BICC1: variants seen among roughly 807,000 people sequenced by gnomAD.
BICC1 encodes BicC family RNA binding protein 1.
BICC1 carries 43 observed loss-of-function variants against 111.0 expected under a neutral mutation model. The observed-to-expected ratio is 0.39, with a 90% CI of 0.30 to 0.50. BICC1 has a LOEUF of 0.50. Among genes scored for constraint, BICC1 ranks in the 20% least tolerant of loss-of-function variants. The probability of loss-of-function intolerance (pLI) is 0.88; values close to 1 mark genes in which losing one functional copy is unlikely to be tolerated. For missense variants in BICC1, 1,091 were observed against 1,203.2 expected (o/e 0.91, Z 1.38); for synonymous variants, 467 against 434.4 (o/e 1.07, Z -0.93).
At chr10:58,712,180 A>G (rs1339001769) in intron 3 of BICC1, among the ~76,000 whole-genome samples, 1 of 152,176 alleles carries the variant, frequency 6.6e-6, no homozygotes, top group Admixed American at 6.5e-5. Flanking sequence ...AATGGTTGAA[A>G]TCCCAAACAC....
chr10:58,802,932 C>T, intron 14 of BICC1, 145 bp from the exon 15 acceptor site: 1 of 744,282 alleles, frequency 1.3e-6, no homozygotes. Flanking sequence ...GTACCTGTGT[C>T]ATAGCATTGT....
intron 1 of BICC1, among the ~76,000 whole-genome samples, chr10:58,549,281 T>C (rs1843227142): frequency 6.6e-6 from 1 of 152,290 alleles, no homozygotes; most frequent in South Asian, 2.1e-4. Context: ...CATGCAGGTG[T>C]TTATGTTGAC....
At chr10:58,787,383 G>A (rs1438481165) in intron 5 of BICC1, among the ~76,000 whole-genome samples, 1 of 152,112 alleles carries the variant, frequency 6.6e-6, no homozygotes, top group African/African-American at 2.4e-5. Context: ...TTAGGACCTG[G>A]AAGCTTGCCT....
Position 58,785,975 on chromosome 10 carries a change from A to G in BICC1, c.387+895A>G, listed in dbSNP as rs375918231. Reference sequence around the variant, plus strand: ...ATTACTCCCCTGATAATTATTAAATAGTTTAGAATTTTCTTCAGGAAAGGG... The same window carrying G: ...ATTACTCCCCTGATAATTATTAAATGGTTTAGAATTTTCTTCAGGAAAGGG... On this transcript the variant is annotated intron_variant, in intron 4 of 20. Coordinates refer to ENST00000373886, the MANE Select transcript of BICC1 (RefSeq NM_001080512.3). Among the ~76,000 whole-genome samples, 4 of 152,172 alleles carry G rather than the reference A, an allele frequency of 2.6e-5. No homozygotes were observed. In the East Asian group the frequency reaches 7.7e-4, roughly 29 times the overall value.
intron 2 of BICC1, among the ~76,000 whole-genome samples, chr10:58,623,609 A>G (rs1175148615): frequency 6.6e-6 from 1 of 152,224 alleles, no homozygotes; most frequent in Non-Finnish European, 1.5e-5. Flanking sequence ...AGAGTCTTCC[A>G]GCTGGGTTGG....
chr10:58,759,772 A>G (rs1006676482), intron 3 of BICC1, among the ~76,000 whole-genome samples: 1 of 152,092 alleles, frequency 6.6e-6, no homozygotes, highest in East Asian at 1.9e-4. Context: ...ATCCTGGCTA[A>G]CACGGTGAAA....
intron 1 of BICC1, among the ~76,000 whole-genome samples, chr10:58,567,540 A>C (rs1843807668): frequency 6.6e-6 from 1 of 151,388 alleles, no homozygotes; most frequent in African/African-American, 2.4e-5. Flanking sequence ...ATATATATAT[A>C]TCTCTTTTAG....
At chr10:58,783,368 C>CCCTT (rs1310659253) in intron 3 of BICC1, among the ~76,000 whole-genome samples, 8 of 152,072 alleles carry the variant, frequency 5.3e-5, no homozygotes, top group Non-Finnish European at 1.2e-4. Context: ...ATCGTTTCCT[C>CCCTT]CCTTCTTTCC....
chr10:58,618,906 A>G (rs1216631078), intron 1 of BICC1, among the ~76,000 whole-genome samples: 1 of 152,090 alleles, frequency 6.6e-6, no homozygotes, highest in African/African-American at 2.4e-5. Flanking sequence ...AATTTCTTTG[A>G]CTTTTCCAGC....
At chr10:58,814,122 C>T in intron 18 of BICC1, 136 bp downstream of exon 18, 3 of 1,016,400 alleles carry the variant, frequency 3.0e-6, no homozygotes. Flanking sequence ...CTCTGTGAAG[C>T]CTCCTTGTTT....
At chr10:58,689,043 C>CA (rs1554822008) in intron 2 of BICC1, among the ~76,000 whole-genome samples, 1 of 151,982 alleles carries the variant, frequency 6.6e-6, no homozygotes. Context: ...ACAACAACAA[C>CA]AAAAAACAAG....
Position 58,631,747 on chromosome 10 carries a change from A to G in BICC1, c.237+10846A>G, listed in dbSNP as rs947418042. On this transcript the variant is annotated intron_variant, in intron 2 of 20. Transcript: ENST00000373886. ...TCTTGAGTTCATCACTAATTTTATG[A>G]AAGAAGAAAACAAAACAGAAAAATA... 3.3e-5 allele frequency among the ~76,000 whole-genome samples: 5 copies of G among 152,186 alleles called. No individual in the cohort carries two copies. The South Asian group carries it at 8.3e-4, about 25-fold the overall frequency.
chr10:58,815,826 A>G (rs1326447489), intron 18 of BICC1, among the ~76,000 whole-genome samples: 1 of 152,174 alleles, frequency 6.6e-6, no homozygotes, highest in East Asian at 1.9e-4. Context: ...ATTCCTTTTA[A>G]ATATGTAATC....
At chr10:58,524,880 C>T (rs1170447117) in intron 1 of BICC1, among the ~76,000 whole-genome samples, 1 of 152,140 alleles carries the variant, frequency 6.6e-6, no homozygotes, top group Non-Finnish European at 1.5e-5. Flanking sequence ...AATCAAACAA[C>T]CCCATCAACA....
chr10:58,675,408 A>G (rs985658622), intron 2 of BICC1, among the ~76,000 whole-genome samples: 3 of 152,044 alleles, frequency 2.0e-5, no homozygotes, highest in Non-Finnish European at 4.4e-5. Flanking sequence ...AAATTGTGGT[A>G]TATATATATA....
chr10:58,571,149 GA>G (rs1271882124), intron 1 of BICC1, among the ~76,000 whole-genome samples: 1 of 152,120 alleles, frequency 6.6e-6, no homozygotes, highest in Non-Finnish European at 1.5e-5. Context: ...CAAGATTTTA[GA>G]AAGGCATGCT....
chr10:58,591,154 G>A (rs1844603865), intron 1 of BICC1, among the ~76,000 whole-genome samples: 1 of 152,062 alleles, frequency 6.6e-6, no homozygotes, highest in South Asian at 2.1e-4. Context: ...TGCTAACGTT[G>A]CTTTAGATGC....
intron 15 of BICC1, among the ~76,000 whole-genome samples, chr10:58,805,193 C>T (rs1438859944): frequency 1.3e-5 from 2 of 151,702 alleles, no homozygotes; most frequent in African/African-American, 2.4e-5. Context: ...CTTGGGAGGC[C>T]GAGATAGAAG....
rs1476216836 is a variant in BICC1, at chr10:58,568,252, G to C, written c.191-52603G>C. 2.0e-5 allele frequency among the ~76,000 whole-genome samples: 3 copies of C among 152,074 alleles called. No individual in the cohort carries two copies. The South Asian group carries it at 6.2e-4, about 32-fold the overall frequency. ...GTTATTCTCTCCTTTTTCTCGTTCTGCTCAGGACCCCTGGTGACATCCTTG... is the reference window on the plus strand; with the variant it reads ...GTTATTCTCTCCTTTTTCTCGTTCTCCTCAGGACCCCTGGTGACATCCTTG... On this transcript the variant is annotated intron_variant, in intron 1 of 20. Coordinates refer to ENST00000373886, the MANE Select transcript of BICC1 (RefSeq NM_001080512.3).
Sources: allele counts gnomAD v4.1 joint callset (sites outside exome capture counted in the v4.1 genomes callset), GRCh38; gene constraint gnomAD v4.1.1; transcripts MANE v1.5; gene names NCBI Gene and HGNC (gene_info 2026-07-23, HGNC 2026-07-21).